Variants in FAM81B observed in about 807,000 individuals in gnomAD.
FAM81B encodes family with sequence similarity 81 member B, also known as protein FAM81B.
In FAM81B, 60 loss-of-function variants were observed where a neutral mutation model predicts 58.7. The ratio of observed to expected loss-of-function variants is 1.02; its 90% CI spans 0.83 to 1.27. The LOEUF (loss-of-function observed/expected upper bound fraction) is 1.27, where lower values mean the gene tolerates loss of function less well. Ranked by LOEUF, FAM81B falls within the 50% of genes most tolerant of loss-of-function variation. The pLI, the probability that FAM81B is intolerant of heterozygous loss-of-function variation, is 0.00. For synonymous variants in FAM81B, 189 were observed against 179.6 expected (o/e 1.05, Z -0.42); for missense variants, 491 against 522.0 (o/e 0.94, Z 0.58).
chr5:95,396,058 G>A (rs1483573736), intron 2 of FAM81B, 53 bp from the exon 3 acceptor site: 2 of 1,357,044 alleles, frequency 1.5e-6, no homozygotes, highest in Non-Finnish European at 2.1e-6. Flanking sequence ...CTGCATAGAA[G>A]TAATCTGTAA....
At position 95,428,658 on chromosome 5, in the gene FAM81B, C is replaced by T. The variant is rs754284288; in HGVS notation, c.712C>T (p.His238Tyr). ...AGACATTCACTTATTCAGGCAAGAG[C>T]ACCGGCAAATTGAGAAAGCCATTCA... ...SGDIHLFRQE[H>Y]RQIEKAIQEF... Residue 238 changes from histidine (H) to tyrosine (Y), a missense_variant, in exon 6 of 10, where the codon CAC becomes TAC. His to Tyr is a moderately conservative substitution (Grantham distance 83). Transcript: ENST00000283357. The T allele has an allele frequency of 1.2e-6, 2 of 1,614,026 alleles. No individual in the cohort carries two copies. The highest frequency in any genetic ancestry group is 1.7e-6 in the Non-Finnish European group (2 of 1,179,870).
Position 95,391,501 on chromosome 5 carries a change from A to G in FAM81B, c.112A>G (p.Ile38Val), listed in dbSNP as rs928583844. 2 of 1,613,540 alleles carry G rather than the reference A, an allele frequency of 1.2e-6. No homozygotes were observed. The highest frequency in any genetic ancestry group is 1.1e-5 in the South Asian group (1 of 91,022). ...STKNKAGKAS[I>V]MSSDTNVNKS... ...AAAAAATAAAGCTGGAAAAGCAAGC[A>G]TCATGAGTTCAGGTACTTATGGACT... Residue 38 changes from isoleucine to valine, a missense_variant, in exon 1 of 10, where the codon ATC (isoleucine) becomes GTC (valine). By Grantham distance (29) the Ile-to-Val change is conservative. Transcript: ENST00000283357.
At chr5:95,441,034 C>A (rs1367015808) in intron 7 of FAM81B, among the ~76,000 whole-genome samples, 2 of 152,118 alleles carry the variant, frequency 1.3e-5, no homozygotes, top group African/African-American at 4.8e-5. Context: ...GCCTTCAAAA[C>A]GCCAAGGTAA....
chr5:95,410,825 T>A (rs1762386416), intron 3 of FAM81B: 1 of 152,110 alleles, frequency 6.6e-6, no homozygotes, highest in Non-Finnish European at 1.5e-5. Context: ...ATGGAAAACA[T>A]CCTAGGCTAA....
At chr5:95,396,759 T>G (rs1344419464) in intron 3 of FAM81B, 3 of 152,248 alleles carry the variant, frequency 2.0e-5, no homozygotes, top group Non-Finnish European at 4.4e-5. Flanking sequence ...TGCATATTAA[T>G]TTGAGTTGTT....
intron 7 of FAM81B, chr5:95,440,468 C>G: frequency 1.6e-6 from 1 of 632,728 alleles, no homozygotes; most frequent in Non-Finnish European, 3.1e-6. Context: ...GATGCAGTTG[C>G]TAAGGCAAAT....
intron 3 of FAM81B, among the ~76,000 whole-genome samples, chr5:95,400,945 A>G (rs1445226256): frequency 2.0e-5 from 3 of 147,448 alleles, no homozygotes; most frequent in Non-Finnish European, 4.5e-5. Context: ...CCAAAGACCA[A>G]AGTAATATGG....
chr5:95,400,698 T>G (rs76325382), intron 3 of FAM81B, among the ~76,000 whole-genome samples: 6,809 of 152,224 alleles, frequency 0.045, 318 homozygotes, highest in African/African-American at 0.12. Flanking sequence ...ACAAGACATA[T>G]TTACAAGACA....
chr5:95,400,108 T>C (rs1463167161), intron 3 of FAM81B, among the ~76,000 whole-genome samples: 2 of 152,204 alleles, frequency 1.3e-5, no homozygotes, highest in Non-Finnish European at 2.9e-5. Flanking sequence ...AGTGTTATAA[T>C]AAATTCCTTA....
chr5:95,408,945 C>T lies in FAM81B; in HGVS notation c.294-5002C>T, dbSNP rs775346069. Reference sequence around the variant, plus strand: ...TATCCCAAACAGTAGCCACTGGCCACATGTGCCTGTTGAGCACTTGAAATG... The same window carrying T: ...TATCCCAAACAGTAGCCACTGGCCATATGTGCCTGTTGAGCACTTGAAATG... On this transcript the variant is annotated intron_variant, in intron 3 of 9. Coordinates refer to ENST00000283357, the MANE Select transcript of FAM81B (RefSeq NM_152548.3). Among the ~76,000 whole-genome samples, 5 of 152,312 alleles carry T rather than the reference C, an allele frequency of 3.3e-5. No homozygotes were observed. The East Asian group carries it at 5.8e-4, about 18-fold the overall frequency.
At chr5:95,403,864 C>T (rs1762175917) in intron 3 of FAM81B, among the ~76,000 whole-genome samples, 2 of 152,092 alleles carry the variant, frequency 1.3e-5, no homozygotes, top group Admixed American at 1.3e-4. Context: ...TGCATCTCAA[C>T]CCAGAAGAAT....
intron 8 of FAM81B, among the ~76,000 whole-genome samples, chr5:95,447,094 T>C (rs945176091): frequency 6.6e-6 from 1 of 152,158 alleles, no homozygotes; most frequent in Non-Finnish European, 1.5e-5. Context: ...TCTTAGTAGA[T>C]TAAAAGTTTT....
chr5:95,421,573 T>C (rs549085075), intron 5 of FAM81B, among the ~76,000 whole-genome samples: 37 of 151,176 alleles, frequency 2.4e-4, no homozygotes, highest in Non-Finnish European at 4.9e-4. Context: ...AGGTAAAGAG[T>C]TCGAACTTTA....
intron 4 of FAM81B, 29 bp downstream of exon 4, chr5:95,414,219 T>C (rs1254479161): frequency 1.3e-6 from 2 of 1,584,468 alleles, no homozygotes; most frequent in Non-Finnish European, 1.7e-6. Flanking sequence ...TATTTTGTTT[T>C]TGTTTTGTAT....
At chr5:95,440,802 T>C in intron 7 of FAM81B, 2 of 265,604 alleles carry the variant, frequency 7.5e-6, no homozygotes, top group Non-Finnish European at 1.5e-5. Context: ...CCCAGAAAAG[T>C]GACTATGTTC....
intron 3 of FAM81B, among the ~76,000 whole-genome samples, chr5:95,413,597 C>T (rs1271189723): frequency 6.6e-6 from 1 of 152,158 alleles, no homozygotes; most frequent in Non-Finnish European, 1.5e-5. Flanking sequence ...CTAACACAGT[C>T]ACTTTTGCAT....
chr5:95,450,250 C>G lies in FAM81B; in HGVS notation c.1327C>G (p.Gln443Glu), dbSNP rs1229061219. The G allele has an allele frequency of 5.0e-6, 8 of 1,613,098 alleles. No individual in the cohort carries two copies. The South Asian group carries it at 8.8e-5, about 18-fold the overall frequency. ...AGTACAGAAAGACCTAAAGAAATTA[C>G]AGCGCAAGATAGTGGAACTCCAGGA... ...YKVQKDLKKL[Q>E]RKIVELQEV Residue 443 changes from glutamine (Q) to glutamate (E), a missense_variant, in exon 10 of 10, where the codon CAG becomes GAG. Coordinates refer to ENST00000283357, the MANE Select transcript of FAM81B (RefSeq NM_152548.3).
chr5:95,440,053 T>G, intron 7 of FAM81B: 1 of 448,094 alleles, frequency 2.2e-6, no homozygotes, highest in African/African-American at 2.0e-5. Flanking sequence ...AAGGTTAACC[T>G]TTGTTTGGCT....
intron 5 of FAM81B, among the ~76,000 whole-genome samples, chr5:95,421,869 G>T (rs1762694129): frequency 6.6e-6 from 1 of 152,182 alleles, no homozygotes; most frequent in Non-Finnish European, 1.5e-5. Context: ...GGAGGTCAAG[G>T]ATAGTGACCA....
Sources: gnomAD v4.1 joint callset for allele counts (sites outside exome capture counted in the v4.1 genomes callset) on GRCh38, gnomAD v4.1.1 for gene constraint, MANE v1.5 for transcripts, NCBI Gene and HGNC (gene_info 2026-07-23, HGNC 2026-07-21) for gene names.